Variants in PPARGC1A observed in about 807,000 individuals in gnomAD.
PPARGC1A encodes peroxisome proliferator-activated receptor gamma coactivator 1-alpha.
A neutral mutation model predicts 88.7 loss-of-function variants in PPARGC1A; 25 were observed. The observed-to-expected ratio is 0.28, with a 90% CI of 0.21 to 0.39. PPARGC1A has a LOEUF of 0.39. Ranked by LOEUF, PPARGC1A falls within the 10% of genes least tolerant of loss-of-function variation. The probability of loss-of-function intolerance (pLI) is 1.00; values close to 1 mark genes in which losing one functional copy is unlikely to be tolerated. For synonymous variants in PPARGC1A, 363 were observed against 355.6 expected (o/e 1.02, Z -0.24); for missense variants, 880 against 968.7 (o/e 0.91, Z 1.22).
At chr4:24,324,692 TGTC>T in the PPARGC1A span, among the ~76,000 whole-genome samples, 1 of 152,184 alleles carries the variant, frequency 6.6e-6, no homozygotes, top group Non-Finnish European at 1.5e-5. Context: ...AAATAATTCT[TGTC>T]GTAAAATGGG....
chr4:24,432,244 T>C, the PPARGC1A span, among the ~76,000 whole-genome samples: 1 of 152,184 alleles, frequency 6.6e-6, no homozygotes, highest in African/African-American at 2.4e-5. Flanking sequence ...ACGTTGACCT[T>C]AATAAGCTTT....
chr4:24,096,561 C>G, the PPARGC1A span, among the ~76,000 whole-genome samples: 1 of 152,132 alleles, frequency 6.6e-6, no homozygotes, highest in Non-Finnish European at 1.5e-5. Context: ...AAAGTCATGG[C>G]AAGAATGTAA....
the PPARGC1A span, among the ~76,000 whole-genome samples, chr4:24,015,902 T>G: frequency 6.6e-6 from 1 of 152,178 alleles, no homozygotes; most frequent in Non-Finnish European, 1.5e-5. Flanking sequence ...CCTGCTTTAT[T>G]GCCAACAGTT....
At chr4:23,870,570 C>T (rs1025410001) in intron 2 of PPARGC1A, among the ~76,000 whole-genome samples, 5 of 152,136 alleles carry the variant, frequency 3.3e-5, no homozygotes, top group Non-Finnish European at 7.3e-5. Context: ...TAGAACATCA[C>T]ATATTGAATA....
chr4:24,250,865 T>G, the PPARGC1A span, among the ~76,000 whole-genome samples: 3 of 152,200 alleles, frequency 2.0e-5, no homozygotes, highest in Admixed American at 1.3e-4. Flanking sequence ...GGATTTCTTG[T>G]TGTTTCACAC....
At chr4:24,257,232 G>A in the PPARGC1A span, among the ~76,000 whole-genome samples, 1 of 152,056 alleles carries the variant, frequency 6.6e-6, no homozygotes, top group Admixed American at 6.6e-5. Context: ...CCTTAGAACT[G>A]GCCAACAAAT....
In PPARGC1A at chr4:23,794,232, A is replaced by T. The variant is rs1024849960; in HGVS notation, c.*1590T>A. 3 of 152,612 alleles carry T rather than the reference A, an allele frequency of 2.0e-5. No homozygotes were observed. Among genetic ancestry groups the T allele is most frequent in the Admixed American group, 2.0e-4 (3 of 15,266 alleles). The allele number at this position is 152,612 out of a possible 1,614,324, so 9.5% of individuals were successfully genotyped here. A position where few individuals can be genotyped will look rare whatever the true frequency, so the allele number is the denominator to read the frequency against. ...AAAACTACTGTTGATAGAGAAAATA[A>T]AAACATTTCTTAATGGTTACCCATT... On this transcript the variant is annotated 3_prime_UTR_variant, in exon 13 of 13. Coordinates refer to ENST00000264867, the MANE Select transcript of PPARGC1A (RefSeq NM_013261.5).
chr4:24,079,373 T>C, the PPARGC1A span, among the ~76,000 whole-genome samples: 1 of 152,034 alleles, frequency 6.6e-6, no homozygotes, highest in Non-Finnish European at 1.5e-5. Flanking sequence ...TTGACAAATG[T>C]GACTACATTT....
the PPARGC1A span, among the ~76,000 whole-genome samples, chr4:24,340,253 A>T: frequency 2.0e-5 from 3 of 152,212 alleles, no homozygotes; most frequent in Non-Finnish European, 4.4e-5. Flanking sequence ...AATAATACAA[A>T]TATTCATCTC....
chr4:23,824,918 A>G (rs1723667540), intron 5 of PPARGC1A, among the ~76,000 whole-genome samples: 1 of 152,098 alleles, frequency 6.6e-6, no homozygotes, highest in African/African-American at 2.4e-5. Context: ...CCTAAAACGT[A>G]TAATTTTATA....
intron 7 of PPARGC1A, among the ~76,000 whole-genome samples, chr4:23,822,786 A>T (rs545434060): frequency 6.6e-6 from 1 of 152,236 alleles, no homozygotes; most frequent in Non-Finnish European, 1.5e-5. Context: ...AGCCTCATTC[A>T]GCATCTTTCA....
chr4:24,331,814 C>T, the PPARGC1A span, among the ~76,000 whole-genome samples: 6 of 150,868 alleles, frequency 4.0e-5, no homozygotes, highest in East Asian at 3.9e-4. Context: ...ATGTGCAGAA[C>T]GTGCAGGTTT....
chr4:24,056,695 GAATAT>G, the PPARGC1A span, among the ~76,000 whole-genome samples: 1 of 152,136 alleles, frequency 6.6e-6, no homozygotes, highest in East Asian at 1.9e-4. Flanking sequence ...GTAAAATGAG[GAATAT>G]AATACTGTCT....
the PPARGC1A span, among the ~76,000 whole-genome samples, chr4:24,436,791 C>G: frequency 1.4e-5 from 2 of 144,140 alleles, no homozygotes; most frequent in African/African-American, 5.4e-5. Flanking sequence ...GGTCACAGAG[C>G]TGACATCGGT....
chr4:24,169,012 G>C, the PPARGC1A span, among the ~76,000 whole-genome samples: 1 of 152,272 alleles, frequency 6.6e-6, no homozygotes, highest in South Asian at 2.1e-4. Flanking sequence ...GTGCAGTGAA[G>C]AAATCTGACA....
the PPARGC1A span, among the ~76,000 whole-genome samples, chr4:24,175,872 G>A: frequency 2.6e-5 from 4 of 151,966 alleles, no homozygotes; most frequent in Non-Finnish European, 1.5e-5. Context: ...GCGCTGTCAT[G>A]ACCATTCCCA....
the PPARGC1A span, among the ~76,000 whole-genome samples, chr4:24,405,960 C>G: frequency 6.6e-6 from 1 of 151,952 alleles, no homozygotes; most frequent in Non-Finnish European, 1.5e-5. Flanking sequence ...TCTCACTTCT[C>G]TCTTTCCCTT....
At chr4:24,196,141 C>T in the PPARGC1A span, among the ~76,000 whole-genome samples, 3 of 152,164 alleles carry the variant, frequency 2.0e-5, no homozygotes, top group Admixed American at 2.0e-4. Flanking sequence ...TGCCACCACC[C>T]TCATCCTGAC....
At chr4:24,319,334 G>A in the PPARGC1A span, among the ~76,000 whole-genome samples, 3 of 152,158 alleles carry the variant, frequency 2.0e-5, no homozygotes, top group Non-Finnish European at 4.4e-5. Context: ...GTGACAGAGT[G>A]AGACCCTACC....
Sources: allele counts gnomAD v4.1 joint callset (sites outside exome capture counted in the v4.1 genomes callset), GRCh38; gene constraint gnomAD v4.1.1; transcripts MANE v1.5; gene names NCBI Gene and HGNC (gene_info 2026-07-23, HGNC 2026-07-21).